Variants in SETD1A observed in about 807,000 individuals in gnomAD.
SETD1A encodes SET domain containing 1A, histone lysine methyltransferase, also known as histone-lysine N-methyltransferase SETD1A.
A neutral mutation model predicts 149.9 loss-of-function variants in SETD1A; 29 were observed. The ratio of observed to expected loss-of-function variants is 0.19; its 90% CI spans 0.14 to 0.26. The LOEUF is 0.26. Ranked by LOEUF, SETD1A falls within the 10% of genes least tolerant of loss-of-function variation. The pLI is 1.00. For synonymous variants in SETD1A, 1,141 were observed against 968.5 expected (o/e 1.18, Z -3.31); for missense variants, 2,109 against 2,353.1 (o/e 0.90, Z 2.15).
At position 30,966,868 on chromosome 16, in the gene SETD1A, C is replaced by T. The variant is rs1020287683; in HGVS notation, c.2506-16C>T. On this transcript the variant is annotated splice_polypyrimidine_tract_variant and intron_variant, in intron 8 of 18. Coordinates refer to ENST00000262519, the MANE Select transcript of SETD1A (RefSeq NM_014712.3). ...GGGTTCTGGGCGCTGGGGCTCAGCC[C>T]CACTGCTGCCTGCAGCCATTCCAGA... 2 of 1,543,098 alleles carry T rather than the reference C, an allele frequency of 1.3e-6. No homozygotes were observed. The highest frequency in any genetic ancestry group is 1.7e-6 in the Non-Finnish European group (2 of 1,142,918).
At chr16:30,958,667 G>A in intron 1 of SETD1A, 50 bp from the exon 2 acceptor site, 3 of 1,501,784 alleles carry the variant, frequency 2.0e-6, no homozygotes, top group South Asian at 1.2e-5. Context: ...AGGCAGGGGA[G>A]TCAGGCCCCA....
chr16:30,964,601 T>C lies in SETD1A; in HGVS notation c.870-11T>C, dbSNP rs1476918444. ...AGCTGAGTCCAGCTAACTCCCCTGC[T>C]TCTTCTCCAGCACCACTTCAACCTC... On this transcript the variant is annotated splice_polypyrimidine_tract_variant and intron_variant, in intron 6 of 18. Transcript: ENST00000262519. 6.2e-7 allele frequency: 1 copy of C among 1,608,362 alleles called. No homozygotes were observed. Among genetic ancestry groups the C allele is most frequent in the African/African-American group, 1.3e-5 (1 of 74,888 alleles).
intron 3 of SETD1A, among the ~76,000 whole-genome samples, chr16:30,960,103 TC>T (rs2056028939): frequency 1.3e-5 from 2 of 152,208 alleles, no homozygotes; most frequent in African/African-American, 2.4e-5. Context: ...TCTTCATCTT[TC>T]TATTCTCATT....
At chr16:30,972,996 T>C (rs544720616) in intron 13 of SETD1A, among the ~76,000 whole-genome samples, 82 of 152,298 alleles carry the variant, frequency 5.4e-4, no homozygotes, top group Non-Finnish European at 4.3e-4. Flanking sequence ...GGCTGAAGTC[T>C]GGGCAAAGCA....
Position 30,971,724 on chromosome 16 carries a change from G to A in SETD1A, c.3358+5G>A, listed in dbSNP as rs374206451. 1.5e-4 allele frequency: 234 copies of A among 1,553,622 alleles called. 2 individuals carry two copies. The highest frequency in any genetic ancestry group is 1.8e-4 in the Non-Finnish European group (210 of 1,147,366). On this transcript the variant is annotated splice_donor_5th_base_variant and intron_variant, in intron 13 of 18. Coordinates refer to ENST00000262519, the MANE Select transcript of SETD1A (RefSeq NM_014712.3). The stretch of plus-strand genomic sequence containing the variant: ...CGTCTCCAGCAAGGCCTGCAGGTAG[G>A]TGCCACAGGGCTGTCGGTTAGATCG...
rs981149399 is a variant in SETD1A at position 30,965,653 on chromosome 16, G to T, written c.1772G>T (p.Gly591Val). 2.5e-6 allele frequency: 4 copies of T among 1,609,408 alleles called. No individual in the cohort carries two copies. Among genetic ancestry groups the T allele is most frequent in the Non-Finnish European group, 3.4e-6 (4 of 1,178,540 alleles). ...ATGGAGATCTCCGACGACGACCGGG[G>T]TGGCTCACCCCCTCCGGCCCCGACG... Reference protein sequence around the residue: ...DDMEISDDDRGGSPPPAPTPP... With the variant: ...DDMEISDDDRVGSPPPAPTPP... Residue 591 changes from glycine to valine, a missense_variant, in exon 8 of 19, where the codon GGT (glycine) becomes GTT (valine). Gly to Val is a moderately radical substitution (Grantham distance 109). Transcript: ENST00000262519.
chr16:30,980,265 G>C lies in SETD1A; in HGVS notation c.4408+71G>C, dbSNP rs1405781920. On this transcript the variant is annotated intron_variant, in intron 14 of 18. Transcript: ENST00000262519. The surrounding 1 kb of genome is among the most constrained non-coding windows in gnomAD (Gnocchi z 7.7). Reference sequence around the variant, plus strand: ...GACCCCTCCAGGCACCTGCATCTGTGCCCCACTCTGTCTGCCTCCCCTCTG... The same window carrying C: ...GACCCCTCCAGGCACCTGCATCTGTCCCCCACTCTGTCTGCCTCCCCTCTG... The C allele has an allele frequency of 6.7e-7, 1 of 1,498,958 alleles. No homozygotes were observed. Among genetic ancestry groups the C allele is most frequent in the Non-Finnish European group, 8.9e-7 (1 of 1,123,206 alleles). The allele number at this position is 1,498,958 out of a possible 1,614,324, so 92.9% of individuals were successfully genotyped here.
rs375375556 is a variant in SETD1A at position 30,967,581 on chromosome 16, T to C, written c.2763T>C (p.Asp921=). 19 of 1,613,674 alleles carry C rather than the reference T, an allele frequency of 1.2e-5. No homozygotes were observed. The highest frequency in any genetic ancestry group is 1.6e-5 in the Non-Finnish European group (19 of 1,179,790). The part of the protein sequence containing the change: ...RPRPSTPAEE[D]EDDPEQEKEA... The stretch of plus-strand genomic sequence containing the variant: ...GTCCCTCCACTCCTGCTGAGGAAGA[T>C]GAAGACGGTGAGCAGGGTCAGGCAT... The change falls in exon 10 of 19, where the codon GAT becomes GAC. Residue 921 remains aspartate (D), a synonymous_variant. Transcript: ENST00000262519.
chr16:30,967,277 C>T (rs1003521567), intron 9 of SETD1A, among the ~76,000 whole-genome samples: 4 of 152,108 alleles, frequency 2.6e-5, no homozygotes, highest in African/African-American at 9.7e-5. Context: ...CCTCAGCCTC[C>T]CGAGTAGCTG....
chr16:30,972,416 C>A (rs543758694), intron 13 of SETD1A, among the ~76,000 whole-genome samples: 1 of 151,720 alleles, frequency 6.6e-6, no homozygotes, highest in African/African-American at 2.4e-5. Flanking sequence ...GCGGGTGGAT[C>A]ATGAGGTCAG....
At chr16:30,975,242 G>A (rs941819048) in intron 13 of SETD1A, among the ~76,000 whole-genome samples, 2 of 151,776 alleles carry the variant, frequency 1.3e-5, no homozygotes, top group Admixed American at 6.6e-5. Context: ...CCTGGGAGGT[G>A]GAGGTTGCGG....
intron 4 of SETD1A, 148 bp from the exon 5 acceptor site, chr16:30,963,285 A>G: frequency 1.6e-6 from 1 of 629,354 alleles, no homozygotes; most frequent in South Asian, 2.1e-5. Flanking sequence ...AAGGTCCCAA[A>G]GGTAGAGTTA....
intron 6 of SETD1A, 63 bp from the exon 7 acceptor site, chr16:30,964,549 C>G (rs2056106883): frequency 1.3e-6 from 2 of 1,569,390 alleles, no homozygotes; most frequent in African/African-American, 1.3e-5. Context: ...GCCCTGGGAC[C>G]CAGTACGCTG....
chr16:30,977,288 C>T (rs1445191834), intron 13 of SETD1A, among the ~76,000 whole-genome samples: 4 of 152,156 alleles, frequency 2.6e-5, no homozygotes, highest in South Asian at 2.1e-4. Flanking sequence ...CAGTCACCAC[C>T]GTCTTAGTGA....
chr16:30,968,427 T>C (rs1340722233), intron 10 of SETD1A, among the ~76,000 whole-genome samples: 3 of 150,378 alleles, frequency 2.0e-5, no homozygotes, highest in African/African-American at 7.4e-5. Context: ...TACATATATA[T>C]ATATATATGT....
chr16:30,969,588 T>C lies in SETD1A; in HGVS notation c.2929-14T>C. ...TCCCCTTCCTGTTAGTCCTCATTTGTCTTTTTTCTTAAGGATGAGGAGGAT... is the reference window on the plus strand; with the variant it reads ...TCCCCTTCCTGTTAGTCCTCATTTGCCTTTTTTCTTAAGGATGAGGAGGAT... On this transcript the variant is annotated splice_polypyrimidine_tract_variant and intron_variant, in intron 11 of 18. Transcript: ENST00000262519. 2.5e-6 allele frequency: 4 copies of C among 1,613,346 alleles called. No homozygotes were observed. The South Asian group carries it at 4.4e-5, about 18-fold the overall frequency.
At chr16:30,960,275 G>A (rs2056031564) in intron 3 of SETD1A, among the ~76,000 whole-genome samples, 1 of 152,102 alleles carries the variant, frequency 6.6e-6, no homozygotes, top group African/African-American at 2.4e-5. Context: ...TGACATGTAT[G>A]GTTATTGACC....
At position 30,964,555 on chromosome 16, in the gene SETD1A, C is replaced by T. The variant is rs765137665; in HGVS notation, c.870-57C>T. ...GGGCTTTGGGCCCTGGGACCCAGTA[C>T]GCTGTGGTTTGGTCATAGAGAGCTG... On this transcript the variant is annotated intron_variant, in intron 6 of 18. Transcript: ENST00000262519. The T allele has an allele frequency of 1.2e-4, 188 of 1,574,394 alleles. No homozygotes were observed. In the Admixed American group the frequency reaches 1.7e-3, roughly 14 times the overall value.
rs2143590687 is a variant in SETD1A, at chr16:30,980,950, G to C, written c.4692+101G>C. On this transcript the variant is annotated intron_variant, in intron 16 of 18. Transcript: ENST00000262519. The surrounding 1 kb of genome is among the most constrained non-coding windows in gnomAD (Gnocchi z 7.7). ...CAGGCTCCTGTGGTTCCCTCGGGTGGAGTTGGGGGGTAAGCAGCCAGAACA... is the reference window on the plus strand; with the variant it reads ...CAGGCTCCTGTGGTTCCCTCGGGTGCAGTTGGGGGGTAAGCAGCCAGAACA... 6.4e-7 allele frequency: 1 copy of C among 1,572,748 alleles called. No homozygotes were observed. The highest frequency in any genetic ancestry group is 1.3e-5 in the African/African-American group (1 of 74,372).
Sources: allele counts gnomAD v4.1 joint callset (sites outside exome capture counted in the v4.1 genomes callset), GRCh38; gene constraint gnomAD v4.1.1; non-coding constraint Gnocchi (gnomAD v3.1); transcripts MANE v1.5; gene names NCBI Gene and HGNC (gene_info 2026-07-23, HGNC 2026-07-21).